ACKR3: variants seen among roughly 807,000 people sequenced by gnomAD.
ACKR3 encodes atypical chemokine receptor 3.
In ACKR3, 6 loss-of-function variants were observed where a neutral mutation model predicts 22.4. The observed-to-expected ratio is 0.27, with a 90% CI of 0.15 to 0.53. The LOEUF (loss-of-function observed/expected upper bound fraction) is 0.53. Ranked by LOEUF, ACKR3 falls within the 20% of genes least tolerant of loss-of-function variation. ACKR3 has a pLI of 0.96. For missense variants in ACKR3, 396 were observed against 475.2 expected, an observed-to-expected ratio of 0.83 and a Z score of 1.55; for synonymous variants, 209 against 205.2, an observed-to-expected ratio of 1.02 and a Z score of -0.16.
chr2:236,548,044 C>T, the ACKR3 span, among the ~76,000 whole-genome samples: 2,589 of 152,242 alleles, frequency 0.017, 48 homozygotes, highest in African/African-American at 0.05. This position sits in a 1 kb window ranked among gnomAD's most constrained non-coding sequence, Gnocchi z 4.3. Flanking sequence ...CACATTCCCA[C>T]TGGCCTTTCC....
At chr2:236,542,385 C>T in the ACKR3 span, among the ~76,000 whole-genome samples, 2 of 152,152 alleles carry the variant, frequency 1.3e-5, no homozygotes, top group Non-Finnish European at 2.9e-5. Flanking sequence ...GGCAAGGTAG[C>T]AGTTGACTTT....
intron 1 of ACKR3, among the ~76,000 whole-genome samples, chr2:236,571,174 C>T (rs1691299934): frequency 6.6e-6 from 1 of 152,208 alleles, no homozygotes; most frequent in African/African-American, 2.4e-5. Flanking sequence ...CTTCTTTCAT[C>T]AGAATATGAG....
the ACKR3 span, among the ~76,000 whole-genome samples, chr2:236,556,594 A>T: frequency 1.3e-5 from 2 of 152,228 alleles, no homozygotes; most frequent in Non-Finnish European, 2.9e-5. Context: ...AAGAAAGCAG[A>T]TGCAGCCCCA....
chr2:236,578,609 G>A (rs79836234), intron 1 of ACKR3, among the ~76,000 whole-genome samples: 3,786 of 152,276 alleles, frequency 0.025, 157 homozygotes, highest in African/African-American at 0.086. Flanking sequence ...TTTACATCCC[G>A]CAGAGGGAAG....
chr2:236,545,016 C>G, the ACKR3 span, among the ~76,000 whole-genome samples: 1 of 152,140 alleles, frequency 6.6e-6, no homozygotes, highest in African/African-American at 2.4e-5. The surrounding 1 kb of genome is among the most constrained non-coding windows in gnomAD (Gnocchi z 5.3). Context: ...GCAACCAGGG[C>G]AGAGCAGAGG....
chr2:236,550,856 C>T, the ACKR3 span, among the ~76,000 whole-genome samples: 2 of 152,318 alleles, frequency 1.3e-5, no homozygotes, highest in Admixed American at 6.5e-5. The surrounding 1 kb of genome is among the most constrained non-coding windows in gnomAD (Gnocchi z 4.6). Flanking sequence ...AACCACTTTC[C>T]GTGTCATGTG....
rs201643093 is a variant in ACKR3 at position 236,581,187 on chromosome 2, C to T, written c.722C>T (p.Ala241Val). Residue 241 changes from alanine to valine, a missense_variant, in exon 2 of 2, where the codon GCG becomes GTG. Coordinates refer to ENST00000272928, the MANE Select transcript of ACKR3 (RefSeq NM_020311.3). The surrounding 1 kb of genome is among the most constrained non-coding windows in gnomAD (Gnocchi z 4.4). ...TTCCTGCTGGCCAGAGCCATCTCGG[C>T]GTCCAGTGACCAGGAGAAGCACAGC... ...FYFLLARAIS[A>V]SSDQEKHSSR... 108 of 1,613,668 alleles carry T rather than the reference C, an allele frequency of 6.7e-5. 2 individuals are homozygous for T. The highest frequency in any genetic ancestry group is 2.2e-4 in the Admixed American group (13 of 60,032).
At chr2:236,540,322 G>A in the ACKR3 span, among the ~76,000 whole-genome samples, 1 of 150,864 alleles carries the variant, frequency 6.6e-6, no homozygotes, top group Non-Finnish European at 1.5e-5. Context: ...GACCATTCAT[G>A]TATGTAAATA....
the ACKR3 span, among the ~76,000 whole-genome samples, chr2:236,561,531 G>A: frequency 1.7e-4 from 26 of 150,530 alleles, 1 homozygote; most frequent in Admixed American, 1.6e-3. Context: ...TTTTTGAGAC[G>A]GAGTCTCATT....
In ACKR3 at chr2:236,581,344, C is replaced by T. The variant is rs1318900592; in HGVS notation, c.879C>T (p.Leu293=). The change falls in exon 2 of 2, where the codon CTC becomes CTT. Residue 293 remains leucine (L), a synonymous_variant. Transcript: ENST00000272928. This position sits in a 1 kb window ranked among gnomAD's most constrained non-coding sequence, Gnocchi z 4.4. The part of the protein sequence containing the change: ...IPFTCRLEHA[L]FTALHVTQCL... The stretch of plus-strand genomic sequence containing the variant: ...TCACCTGCCGGCTGGAGCACGCCCT[C>T]TTCACGGCCCTGCATGTCACACAGT... 6.2e-7 allele frequency: 1 copy of T among 1,613,974 alleles called. No individual in the cohort carries two copies. Among genetic ancestry groups the T allele is most frequent in the African/African-American group, 1.3e-5 (1 of 74,946 alleles).
At position 236,581,889 on chromosome 2, in the gene ACKR3, A is replaced by C. The variant is rs952503451; in HGVS notation, c.*335A>C. On this transcript the variant is annotated 3_prime_UTR_variant, in exon 2 of 2. Coordinates refer to ENST00000272928, the MANE Select transcript of ACKR3 (RefSeq NM_020311.3). The surrounding 1 kb of genome is among the most constrained non-coding windows in gnomAD (Gnocchi z 4.4). ...TATGGTGATTTGTATTTAAATTTTAAGACTTTATTTTCTCACTATTGGTGT... is the reference window on the plus strand; with the variant it reads ...TATGGTGATTTGTATTTAAATTTTACGACTTTATTTTCTCACTATTGGTGT... 3.4e-5 allele frequency: 7 copies of C among 203,260 alleles called. No homozygotes were observed. Among genetic ancestry groups the C allele is most frequent in the Admixed American group, 1.1e-4 (2 of 18,688 alleles). 12.6% of individuals were successfully genotyped at this position (203,260 alleles called of 1,614,324 possible).
chr2:236,550,296 C>T, the ACKR3 span, among the ~76,000 whole-genome samples: 32 of 152,328 alleles, frequency 2.1e-4, no homozygotes, highest in Non-Finnish European at 2.9e-4. The surrounding 1 kb of genome is among the most constrained non-coding windows in gnomAD (Gnocchi z 4.6). Context: ...AGACGAGGTC[C>T]GCATGGGAGA....
chr2:236,573,708 G>A (rs1457142063), intron 1 of ACKR3, among the ~76,000 whole-genome samples: 1 of 152,304 alleles, frequency 6.6e-6, no homozygotes, highest in East Asian at 1.9e-4. Context: ...TAGCAGCCTG[G>A]TCTGCACCCA....
the ACKR3 span, among the ~76,000 whole-genome samples, chr2:236,547,903 T>G: frequency 1.3e-5 from 2 of 150,820 alleles, no homozygotes; most frequent in Non-Finnish European, 2.9e-5. Context: ...TGAGATTTGT[T>G]GTGCTTCCTG....
the ACKR3 span, among the ~76,000 whole-genome samples, chr2:236,538,717 A>T: frequency 6.6e-6 from 1 of 152,194 alleles, no homozygotes; most frequent in Non-Finnish European, 1.5e-5. Flanking sequence ...GATAAAATAC[A>T]GACTGCCTAA....
the ACKR3 span, among the ~76,000 whole-genome samples, chr2:236,547,280 A>G: frequency 7.9e-5 from 12 of 152,186 alleles, no homozygotes; most frequent in Non-Finnish European, 1.3e-4. Flanking sequence ...GCTTTTTAAC[A>G]TATTTCAAGT....
chr2:236,556,885 G>A, the ACKR3 span, among the ~76,000 whole-genome samples: 3 of 152,002 alleles, frequency 2.0e-5, no homozygotes, highest in Non-Finnish European at 2.9e-5. Context: ...ACGGGGTTTC[G>A]CCATGTTGGC....
the ACKR3 span, among the ~76,000 whole-genome samples, chr2:236,538,373 G>A: frequency 3.3e-5 from 5 of 152,308 alleles, no homozygotes; most frequent in East Asian, 3.9e-4. Context: ...TACTAAAAAC[G>A]TGGTCAAAAG....
Position 236,580,752 on chromosome 2 carries a change from C to T in ACKR3, c.287C>T (p.Thr96Ile). ...ATTGCCGACCTGTGGGTTGTCCTCA[C>T]CATCCCAGTCTGGGTGGTCAGTCTC... ...LAIADLWVVLTIPVWVVSLVQ... is the reference protein window; with the variant it reads ...LAIADLWVVLIIPVWVVSLVQ... The change falls in exon 2 of 2, where the codon ACC (threonine) becomes ATC (isoleucine). Residue 96 changes from threonine (T) to isoleucine (I), a missense_variant. Coordinates refer to ENST00000272928, the MANE Select transcript of ACKR3 (RefSeq NM_020311.3). 6.2e-7 allele frequency: 1 copy of T among 1,614,230 alleles called. No homozygotes were observed. The highest frequency in any genetic ancestry group is 8.5e-7 in the Non-Finnish European group (1 of 1,180,050).
Sources: gnomAD v4.1 joint callset for allele counts (sites outside exome capture counted in the v4.1 genomes callset) on GRCh38, gnomAD v4.1.1 for gene constraint, Gnocchi (gnomAD v3.1) non-coding constraint, MANE v1.5 for transcripts, NCBI Gene and HGNC (gene_info 2026-07-23, HGNC 2026-07-21) for gene names.